GRM8: variants seen among roughly 807,000 people sequenced by gnomAD.
GRM8 encodes glutamate metabotropic receptor 8, also known as metabotropic glutamate receptor 8.
In GRM8, 47 loss-of-function variants were observed where a neutral mutation model predicts 87.2. The ratio of observed to expected loss-of-function variants is 0.54; its 90% CI spans 0.43 to 0.69. GRM8 has a LOEUF of 0.69. Among genes scored for constraint, GRM8 ranks in the 30% least tolerant of loss-of-function variants. The pLI is 0.00. For missense variants in GRM8, 1,019 were observed against 1,139.2 expected (o/e 0.89, Z 1.52); for synonymous variants, 396 against 404.5 (o/e 0.98, Z 0.25).
intron 7 of GRM8, among the ~76,000 whole-genome samples, chr7:126,654,108 C>G (rs1194575261): frequency 6.6e-6 from 1 of 152,198 alleles, no homozygotes; most frequent in Non-Finnish European, 1.5e-5. Flanking sequence ...ATAGAAATAA[C>G]TAGACCCCTA....
At chr7:127,015,366 C>A (rs1362350392) in intron 3 of GRM8, among the ~76,000 whole-genome samples, 1 of 151,850 alleles carries the variant, frequency 6.6e-6, no homozygotes, top group African/African-American at 2.4e-5. Flanking sequence ...TCACATAGAC[C>A]AAACCACTGT....
At chr7:126,969,902 A>C (rs954671651) in intron 3 of GRM8, among the ~76,000 whole-genome samples, 6 of 152,186 alleles carry the variant, frequency 3.9e-5, no homozygotes, top group African/African-American at 1.4e-4. Context: ...ATGTTGTGTT[A>C]GTTGTCATAA....
chr7:126,670,363 T>G (rs1806248545), intron 7 of GRM8, among the ~76,000 whole-genome samples: 1 of 152,186 alleles, frequency 6.6e-6, no homozygotes, highest in African/African-American at 2.4e-5. Context: ...AGGTTATATC[T>G]TGGTGGATAA....
chr7:126,890,841 C>G (rs1158096936), intron 6 of GRM8, among the ~76,000 whole-genome samples: 1 of 151,994 alleles, frequency 6.6e-6, no homozygotes, highest in East Asian at 1.9e-4. Context: ...CAACATATTT[C>G]TGAGTCCTCA....
At chr7:126,832,476 C>T (rs1395003375) in intron 6 of GRM8, among the ~76,000 whole-genome samples, 2 of 152,096 alleles carry the variant, frequency 1.3e-5, no homozygotes, top group African/African-American at 4.8e-5. Flanking sequence ...AAAAACACCC[C>T]AATATACATA....
chr7:126,567,639 G>C (rs898191715), intron 8 of GRM8, among the ~76,000 whole-genome samples: 1 of 151,994 alleles, frequency 6.6e-6, no homozygotes, highest in Non-Finnish European at 1.5e-5. Context: ...GCTTTTAGTG[G>C]TAAATAAATT....
At chr7:126,839,608 C>G (rs1368353072) in intron 6 of GRM8, among the ~76,000 whole-genome samples, 7 of 152,040 alleles carry the variant, frequency 4.6e-5, no homozygotes, top group Non-Finnish European at 1.5e-5. Context: ...AAAACGATGA[C>G]CTGGGAATAA....
intron 3 of GRM8, among the ~76,000 whole-genome samples, chr7:127,101,460 A>G (rs1825240273): frequency 6.6e-6 from 1 of 152,204 alleles, no homozygotes; most frequent in African/African-American, 2.4e-5. Flanking sequence ...CAAAGCCCTC[A>G]TGGCTTGGTG....
At chr7:127,119,048 C>T (rs1397792644) in intron 2 of GRM8, among the ~76,000 whole-genome samples, 2 of 152,190 alleles carry the variant, frequency 1.3e-5, no homozygotes, top group Admixed American at 1.3e-4. Flanking sequence ...TGGGTACCAA[C>T]AAAATGGTCT....
intron 2 of GRM8, among the ~76,000 whole-genome samples, chr7:127,236,774 T>C (rs925934193): frequency 1.3e-5 from 2 of 152,156 alleles, no homozygotes; most frequent in Admixed American, 6.5e-5. Flanking sequence ...ATTTCCAACA[T>C]TGAGATTGGG....
chr7:127,163,321 G>A (rs1793234345), intron 2 of GRM8, among the ~76,000 whole-genome samples: 1 of 152,138 alleles, frequency 6.6e-6, no homozygotes, highest in Non-Finnish European at 1.5e-5. Context: ...GGATGAGAAA[G>A]TAGGAAAGAC....
At chr7:126,901,853 C>T (rs978597478) in intron 6 of GRM8, among the ~76,000 whole-genome samples, 6 of 151,926 alleles carry the variant, frequency 3.9e-5, no homozygotes, top group Admixed American at 6.6e-5. Context: ...GTTTCTAATA[C>T]GTATATTAAA....
At chr7:126,578,146 A>G (rs527799180) in intron 8 of GRM8, among the ~76,000 whole-genome samples, 1 of 152,312 alleles carries the variant, frequency 6.6e-6, no homozygotes, top group Admixed American at 6.5e-5. Context: ...TGTTACATAT[A>G]AAAAGCAATA....
chr7:126,642,360 CA>C (rs1443589376), intron 7 of GRM8, among the ~76,000 whole-genome samples: 4 of 152,056 alleles, frequency 2.6e-5, no homozygotes, highest in Non-Finnish European at 5.9e-5. Context: ...TACTGTAGGC[CA>C]GGGGCGGTGG....
intron 9 of GRM8, among the ~76,000 whole-genome samples, chr7:126,486,354 T>A (rs1807363109): frequency 6.6e-6 from 1 of 152,072 alleles, no homozygotes; most frequent in African/African-American, 2.4e-5. Context: ...ACATGTTTGT[T>A]CAGTATGCAT....
At chr7:126,708,752 G>A (rs1228750693) in intron 7 of GRM8, among the ~76,000 whole-genome samples, 2 of 152,044 alleles carry the variant, frequency 1.3e-5, no homozygotes, top group Non-Finnish European at 2.9e-5. Flanking sequence ...GAATCTACAA[G>A]AGTTGAACTC....
intron 8 of GRM8, among the ~76,000 whole-genome samples, chr7:126,586,385 CA>C: frequency 6.6e-6 from 1 of 152,160 alleles, no homozygotes; most frequent in Admixed American, 6.5e-5. Context: ...AATCCTAAGC[CA>C]AAAGAACAAA....
At chr7:126,741,958 C>T (rs1418864638) in intron 7 of GRM8, among the ~76,000 whole-genome samples, 1 of 151,932 alleles carries the variant, frequency 6.6e-6, no homozygotes, top group African/African-American at 2.4e-5. Flanking sequence ...GTCATCCATC[C>T]CTCTGTATAA....
chr7:127,008,000 C>A (rs1814487094), intron 3 of GRM8, among the ~76,000 whole-genome samples: 1 of 151,942 alleles, frequency 6.6e-6, no homozygotes, highest in African/African-American at 2.4e-5. Context: ...TCCTGAAAAT[C>A]ACCCACACTA....
Sources: allele counts gnomAD v4.1 joint callset (sites outside exome capture counted in the v4.1 genomes callset), GRCh38; gene constraint gnomAD v4.1.1; transcripts MANE v1.5; gene names NCBI Gene and HGNC (gene_info 2026-07-23, HGNC 2026-07-21).